The following PIEZO2 variants were observed in gnomAD, a reference collection of about 807,000 sequenced individuals.
The protein encoded by PIEZO2 is piezo-type mechanosensitive ion channel component 2.
In PIEZO2, 172 loss-of-function variants were observed where a neutral mutation model predicts 337.3. The ratio of observed to expected loss-of-function variants is 0.51; its 90% confidence interval spans 0.45 to 0.58. The LOEUF is 0.58. Among genes scored for constraint, PIEZO2 ranks in the 20% least tolerant of loss-of-function variants. PIEZO2 has a pLI of 0.00. For missense variants in PIEZO2, 3,028 were observed against 3,391.3 expected (o/e 0.89, Z 2.66); for synonymous variants, 1,251 against 1,228.5 (o/e 1.02, Z -0.38).
intron 10 of PIEZO2, 147 bp downstream of exon 10, chr18:10,801,243 A>T (rs1286179289): frequency 1.7e-6 from 1 of 593,530 alleles, no homozygotes; most frequent in African/African-American, 1.9e-5. Flanking sequence ...TTTAACAGCA[A>T]TCTACCAGAT....
At chr18:11,072,259 T>C (rs1408662616) in intron 1 of PIEZO2, among the ~76,000 whole-genome samples, 1 of 151,986 alleles carries the variant, frequency 6.6e-6, no homozygotes, top group Non-Finnish European at 1.5e-5. Context: ...AATGAATGAA[T>C]AAAAACAAAA....
rs996265946 is a variant in PIEZO2 at position 11,016,494 on chromosome 18, G to A, written c.161-36834C>T. Among the ~76,000 whole-genome samples the A allele has an allele frequency of 6.6e-6, 1 of 152,320 alleles. No individual in the cohort carries two copies. The highest frequency in any genetic ancestry group is 1.9e-4 in the East Asian group (1 of 5,180). Reference sequence around the variant, plus strand: ...AACCCCCTGCAAAGGGTGGGTATGAGGGGGGTCGGGTTAAGCGGCTTAACA... The same window carrying A: ...AACCCCCTGCAAAGGGTGGGTATGAAGGGGGTCGGGTTAAGCGGCTTAACA... On this transcript the variant is annotated intron_variant, in intron 2 of 55. Coordinates refer to ENST00000674853, the MANE Select transcript of PIEZO2 (RefSeq NM_001378183.1). The surrounding 1 kb of genome is among the most constrained non-coding windows in gnomAD (Gnocchi z 5.6).
intron 4 of PIEZO2, among the ~76,000 whole-genome samples, chr18:10,909,169 AT>A (rs1322611346): frequency 1.3e-5 from 2 of 151,884 alleles, no homozygotes; most frequent in African/African-American, 4.8e-5. Context: ...GTCAACACAT[AT>A]ATGTTCCCAG....
chr18:11,023,383 G>T (rs142830654), intron 2 of PIEZO2, among the ~76,000 whole-genome samples: 7 of 152,160 alleles, frequency 4.6e-5, no homozygotes, highest in African/African-American at 1.7e-4. Flanking sequence ...TCCACACAAA[G>T]GTTCTCCAAG....
chr18:11,043,719 G>A (rs2037200835), intron 2 of PIEZO2, among the ~76,000 whole-genome samples: 2 of 151,422 alleles, frequency 1.3e-5, no homozygotes, highest in African/African-American at 4.9e-5. Flanking sequence ...TCTTGAGACC[G>A]AGTCTTGCTC....
At chr18:10,906,763 G>C (rs1337917932) in intron 4 of PIEZO2, among the ~76,000 whole-genome samples, 3 of 151,856 alleles carry the variant, frequency 2.0e-5, no homozygotes, top group African/African-American at 7.3e-5. Context: ...GTTTCACCAT[G>C]TTGCCCAGGC....
rs187506663 is a variant in PIEZO2 at position 10,707,767 on chromosome 18, A to G, written c.5588+508T>C. On this transcript the variant is annotated intron_variant, in intron 40 of 55. Coordinates refer to ENST00000674853, the MANE Select transcript of PIEZO2 (RefSeq NM_001378183.1). The surrounding 1 kb of genome is among the most constrained non-coding windows in gnomAD (Gnocchi z 4.2). ...TTTTTAAAAACCAATGGTAAACTAT[A>G]TTCTGACTTTTATGTCAATTAGGCA... Among the ~76,000 whole-genome samples the G allele has an allele frequency of 7.0e-4, 106 of 152,346 alleles. 1 individual carries two copies. The highest frequency in any genetic ancestry group is 2.5e-3 in the African/African-American group (104 of 41,578).
Position 11,126,445 on chromosome 18 carries a change from C to T in PIEZO2, c.64+22080G>A, listed in dbSNP as rs1248252775. ...CCCCTAGGCCTGGTAAAGGGCACTC[C>T]TCACACAGTCCTCTTCCCACCTTTA... On this transcript the variant is annotated intron_variant, in intron 1 of 55. Coordinates refer to ENST00000674853, the MANE Select transcript of PIEZO2 (RefSeq NM_001378183.1). The surrounding 1 kb of genome is among the most constrained non-coding windows in gnomAD (Gnocchi z 4.6). Among the ~76,000 whole-genome samples the T allele has an allele frequency of 6.6e-6, 1 of 152,158 alleles. No individual in the cohort carries two copies. The highest frequency in any genetic ancestry group is 1.5e-5 in the Non-Finnish European group (1 of 68,028).
chr18:11,036,811 A>G (rs2036937396), intron 2 of PIEZO2, among the ~76,000 whole-genome samples: 1 of 152,184 alleles, frequency 6.6e-6, no homozygotes. Context: ...AAGTATCTGC[A>G]TGCCAAACCA....
intron 32 of PIEZO2, among the ~76,000 whole-genome samples, chr18:10,741,733 AATG>A (rs2037225141): frequency 6.6e-6 from 1 of 152,224 alleles, no homozygotes. Context: ...GCAACGATTG[AATG>A]ATATTTTAGG....
chr18:10,845,266 C>G (rs577671291), intron 7 of PIEZO2, among the ~76,000 whole-genome samples: 18 of 151,874 alleles, frequency 1.2e-4, no homozygotes, highest in Admixed American at 2.0e-4. Flanking sequence ...TTTTGTTTCA[C>G]TGGGAGAATA....
In PIEZO2 at chr18:11,094,544, C is replaced by T. The variant is rs988148054; in HGVS notation, c.65-28322G>A. 3.9e-5 allele frequency among the ~76,000 whole-genome samples: 6 copies of T among 152,132 alleles called. No individual in the cohort carries two copies. The highest frequency in any genetic ancestry group is 3.3e-4 in the Admixed American group (5 of 15,270). Reference sequence around the variant, plus strand: ...AAGCCAGCAACTCTCCAAAAGCAGTCGCTAATTAATAAGTGCAGGCACTCA... The same window carrying T: ...AAGCCAGCAACTCTCCAAAAGCAGTTGCTAATTAATAAGTGCAGGCACTCA... On this transcript the variant is annotated intron_variant, in intron 1 of 55. Coordinates refer to ENST00000674853, the MANE Select transcript of PIEZO2 (RefSeq NM_001378183.1). The surrounding 1 kb of genome is among the most constrained non-coding windows in gnomAD (Gnocchi z 4.4).
In PIEZO2 at chr18:11,021,256, A is replaced by C. The variant is rs183209762; in HGVS notation, c.161-41596T>G. On this transcript the variant is annotated intron_variant, in intron 2 of 55. Transcript: ENST00000674853. This position sits in a 1 kb window ranked among gnomAD's most constrained non-coding sequence, Gnocchi z 4.7. ...AGTCACAGGTGTCAAGGAGACAGCT[A>C]ATCTCCCTGGAAAGAACTCCCAAAC... Among the ~76,000 whole-genome samples, 240 of 152,316 alleles carry C rather than the reference A, an allele frequency of 1.6e-3. 2 individuals carry two copies. Among genetic ancestry groups the C allele is most frequent in the Middle Eastern group, 0.01 (3 of 294 alleles).
At chr18:10,960,660 TA>T (rs960612874) in intron 3 of PIEZO2, among the ~76,000 whole-genome samples, 29 of 152,074 alleles carry the variant, frequency 1.9e-4, no homozygotes, top group African/African-American at 6.0e-4. Context: ...TTACTCAGAC[TA>T]AAAAAAGTCC....
chr18:11,007,072 A>G (rs1368481204), intron 2 of PIEZO2, among the ~76,000 whole-genome samples: 1 of 152,204 alleles, frequency 6.6e-6, no homozygotes, highest in Admixed American at 6.5e-5. Context: ...TATACAATAA[A>G]TTATTGTTAA....
At chr18:11,012,567 C>A (rs1318658770) in intron 2 of PIEZO2, among the ~76,000 whole-genome samples, 3 of 152,220 alleles carry the variant, frequency 2.0e-5, no homozygotes, top group Admixed American at 2.0e-4. Flanking sequence ...TGGGCACCAG[C>A]TCAGGTGCTG....
At chr18:10,918,953 A>T (rs2031205535) in intron 3 of PIEZO2, among the ~76,000 whole-genome samples, 1 of 151,980 alleles carries the variant, frequency 6.6e-6, no homozygotes, top group South Asian at 2.1e-4. Flanking sequence ...TTTAGGGCAA[A>T]TTCCTAGGAG....
chr18:10,908,205 G>A (rs941216091), intron 4 of PIEZO2: 8 of 152,314 alleles, frequency 5.3e-5, no homozygotes, highest in Non-Finnish European at 1.2e-4. Context: ...TGCAAGGAGG[G>A]TAGGCAGGGC....
intron 27 of PIEZO2, among the ~76,000 whole-genome samples, chr18:10,756,903 G>A (rs1044889167): frequency 4.9e-5 from 6 of 121,676 alleles, no homozygotes; most frequent in Non-Finnish European, 8.3e-5. Context: ...ATAAAAAGGA[G>A]GAATGGGGAT....
Sources: allele counts gnomAD v4.1 joint callset (sites outside exome capture counted in the v4.1 genomes callset), GRCh38; gene constraint gnomAD v4.1.1; non-coding constraint Gnocchi (gnomAD v3.1); transcripts MANE v1.5; gene names NCBI Gene and HGNC (gene_info 2026-07-23, HGNC 2026-07-21).